SAMD4A: variants seen among roughly 807,000 people sequenced by gnomAD.
The protein encoded by SAMD4A is sterile alpha motif domain containing 4A.
Under a neutral mutation model 81.3 loss-of-function variants are expected in SAMD4A, and 33 were observed. The observed-to-expected ratio is 0.41, with a 90% confidence interval of 0.31 to 0.54. The LOEUF is 0.54. Among genes scored for constraint, SAMD4A ranks in the 20% least tolerant of loss-of-function variants. The pLI is 0.37. For missense variants in SAMD4A, 854 were observed against 951.1 expected, an observed-to-expected ratio of 0.90 and a Z score of 1.34; for synonymous variants, 389 against 382.1, an observed-to-expected ratio of 1.02 and a Z score of -0.21.
intron 2 of SAMD4A, among the ~76,000 whole-genome samples, chr14:54,653,173 G>GTTGGAAGC (rs952249747): frequency 3.0e-4 from 45 of 151,770 alleles, no homozygotes; most frequent in African/African-American, 1.0e-3. Flanking sequence ...CTGCACTCTG[G>GTTGGAAGC]TTGGAAGCTC....
At chr14:54,689,496 G>A (rs1011254220) in intron 2 of SAMD4A, 2 of 152,242 alleles carry the variant, frequency 1.3e-5, no homozygotes, top group African/African-American at 4.8e-5. Context: ...CCAGATGGAG[G>A]AACTGAAGCA....
At chr14:54,746,408 C>G (rs2037968757) in intron 4 of SAMD4A, among the ~76,000 whole-genome samples, 1 of 152,216 alleles carries the variant, frequency 6.6e-6, no homozygotes, top group South Asian at 2.1e-4. Context: ...GAAGGCCTAA[C>G]TCATCATGTT....
At chr14:54,638,112 A>G (rs1363778864) in intron 2 of SAMD4A, among the ~76,000 whole-genome samples, 1 of 152,122 alleles carries the variant, frequency 6.6e-6, no homozygotes, top group African/African-American at 2.4e-5. Flanking sequence ...CTACAAGGAG[A>G]TTATGGCACA....
At chr14:54,599,708 A>G (rs574748052) in intron 2 of SAMD4A, among the ~76,000 whole-genome samples, 1 of 152,256 alleles carries the variant, frequency 6.6e-6, no homozygotes, top group Non-Finnish European at 1.5e-5. Context: ...AGACAATAGC[A>G]TAGGTGAAAA....
chr14:54,597,126 T>C (rs1276350638), intron 2 of SAMD4A, among the ~76,000 whole-genome samples: 1 of 149,066 alleles, frequency 6.7e-6, no homozygotes, highest in African/African-American at 2.5e-5. Flanking sequence ...TTTTGAAAAA[T>C]GGAAGATTTG....
intron 2 of SAMD4A, among the ~76,000 whole-genome samples, chr14:54,651,771 T>C (rs2035409032): frequency 6.6e-6 from 1 of 152,214 alleles, no homozygotes; most frequent in South Asian, 2.1e-4. Flanking sequence ...ATAGATAACG[T>C]CTCACTGATT....
chr14:54,709,926 C>T (rs2036948434), intron 3 of SAMD4A, among the ~76,000 whole-genome samples: 1 of 152,222 alleles, frequency 6.6e-6, no homozygotes, highest in South Asian at 2.1e-4. Flanking sequence ...GTCAGTGCTA[C>T]CTCAGTTGCC....
chr14:54,748,757 C>G lies in SAMD4A; in HGVS notation c.980-58C>G, dbSNP rs2140968156. 10 of 1,181,170 alleles carry G rather than the reference C, an allele frequency of 8.5e-6. No homozygotes were observed. In the South Asian group the frequency reaches 1.2e-4, roughly 14 times the overall value. 73.2% of individuals were successfully genotyped at this position (1,181,170 alleles called of 1,614,324 possible). A position where few individuals can be genotyped will look rare whatever the true frequency, so the allele number is the denominator to read the frequency against. On this transcript the variant is annotated intron_variant, in intron 4 of 12. Transcript: ENST00000554335. Reference sequence around the variant, plus strand: ...CTTTCTCTGTTCCTACATCTCTCGTCATCTCTTCTCATTCCCTCTCATTTC... The same window carrying G: ...CTTTCTCTGTTCCTACATCTCTCGTGATCTCTTCTCATTCCCTCTCATTTC...
intron 11 of SAMD4A, among the ~76,000 whole-genome samples, chr14:54,777,128 T>C (rs2038874036): frequency 1.3e-5 from 2 of 152,154 alleles, no homozygotes; most frequent in Non-Finnish European, 2.9e-5. Context: ...GCAGTGATCT[T>C]GTAGACTTTG....
At chr14:54,691,011 G>T (rs1033314834) in intron 2 of SAMD4A, among the ~76,000 whole-genome samples, 1 of 152,120 alleles carries the variant, frequency 6.6e-6, no homozygotes, top group Non-Finnish European at 1.5e-5. Flanking sequence ...TGCCAGGTTT[G>T]TCCTCTCTCC....
In SAMD4A at chr14:54,748,882, T is replaced by C. The variant is rs996816328; in HGVS notation, c.1047T>C (p.Tyr349=). The change falls in exon 5 of 13, where the codon TAT becomes TAC. Residue 349 remains tyrosine (Y), a synonymous_variant. Transcript: ENST00000554335. The stretch of plus-strand genomic sequence containing the variant: ...CCGCGCTTTTCTCCCAGATGACCTA[T>C]GAGGAGATGATGGCCCTCACCGAGT... ...KYAALFSQMT[Y]EEMMALTECQ... 3 of 1,555,090 alleles carry C rather than the reference T, an allele frequency of 1.9e-6. No homozygotes were observed. The highest frequency in any genetic ancestry group is 2.7e-5 in the African/African-American group (2 of 73,498).
intron 2 of SAMD4A, among the ~76,000 whole-genome samples, chr14:54,683,399 A>G (rs1376712288): frequency 1.3e-5 from 2 of 152,258 alleles, no homozygotes; most frequent in Admixed American, 6.5e-5. Context: ...TAGTTCCAAG[A>G]AAGATTGAGG....
intron 2 of SAMD4A, chr14:54,688,226 C>T (rs1011277966): frequency 1.0e-6 from 1 of 985,452 alleles, no homozygotes. Flanking sequence ...TACTGCATGT[C>T]TTGTGGGTTC....
intron 2 of SAMD4A, among the ~76,000 whole-genome samples, chr14:54,597,469 T>G: frequency 6.6e-6 from 1 of 151,734 alleles, no homozygotes; most frequent in Non-Finnish European, 1.5e-5. Flanking sequence ...GAGACAGGGT[T>G]TCTCCATGTT....
At chr14:54,622,089 G>T (rs1000838887) in intron 2 of SAMD4A, among the ~76,000 whole-genome samples, 1 of 152,154 alleles carries the variant, frequency 6.6e-6, no homozygotes, top group African/African-American at 2.4e-5. Context: ...CTCAAGAAAT[G>T]AATTTTCTTG....
chr14:54,728,578 T>C (rs1297133982), intron 3 of SAMD4A, among the ~76,000 whole-genome samples: 1 of 152,180 alleles, frequency 6.6e-6, no homozygotes, highest in African/African-American at 2.4e-5. Flanking sequence ...TATTGTTGCA[T>C]TTGACATGTA....
intron 2 of SAMD4A, among the ~76,000 whole-genome samples, chr14:54,647,470 T>C (rs1376597795): frequency 6.6e-6 from 1 of 152,220 alleles, no homozygotes; most frequent in Non-Finnish European, 1.5e-5. Flanking sequence ...AAAACACACT[T>C]TTTAAAGAGC....
chr14:54,698,032 A>G (rs1332833239), intron 2 of SAMD4A, among the ~76,000 whole-genome samples: 1 of 152,168 alleles, frequency 6.6e-6, no homozygotes, highest in African/African-American at 2.4e-5. Flanking sequence ...AAAGTCACAT[A>G]CCGCCATTTC....
intron 2 of SAMD4A, among the ~76,000 whole-genome samples, chr14:54,685,076 G>T (rs185191748): frequency 6.6e-6 from 1 of 152,316 alleles, no homozygotes; most frequent in East Asian, 1.9e-4. Context: ...TCCCCTGAAG[G>T]GAGAGTAGAT....
Sources: gnomAD v4.1 joint callset for allele counts (sites outside exome capture counted in the v4.1 genomes callset) on GRCh38, gnomAD v4.1.1 for gene constraint, MANE v1.5 for transcripts, NCBI Gene and HGNC (gene_info 2026-07-23, HGNC 2026-07-21) for gene names.